SCEL: variants seen among roughly 807,000 people sequenced by gnomAD.
SCEL encodes sciellin.
In SCEL, 113 loss-of-function variants were observed where a neutral mutation model predicts 117.6. That is an observed-to-expected ratio of 0.96 (90% CI 0.83 to 1.12). The LOEUF is 1.12. Among genes scored for constraint, SCEL ranks in the 50% most tolerant of loss-of-function variants. The pLI, the probability that SCEL is intolerant of heterozygous loss-of-function variation, is 0.00. For synonymous variants in SCEL, 270 were observed against 256.2 expected (o/e 1.05, Z -0.51); for missense variants, 785 against 810.8 (o/e 0.97, Z 0.39).
intron 1 of SCEL, among the ~76,000 whole-genome samples, chr13:77,552,319 A>G (rs2084381474): frequency 6.6e-6 from 1 of 151,396 alleles, no homozygotes; most frequent in Non-Finnish European, 1.5e-5. Flanking sequence ...CAACAGTGTA[A>G]AAGTGTTCCT....
chr13:77,625,167 C>T (rs1048652587), intron 27 of SCEL, among the ~76,000 whole-genome samples: 2 of 152,128 alleles, frequency 1.3e-5, no homozygotes, highest in African/African-American at 2.4e-5. Flanking sequence ...GTTTGACATT[C>T]CTAAGAAATT....
chr13:77,592,070 G>A (rs1021263010), intron 11 of SCEL, among the ~76,000 whole-genome samples: 1 of 152,046 alleles, frequency 6.6e-6, no homozygotes, highest in African/African-American at 2.4e-5. Context: ...TTTAAACAGT[G>A]CAATTTTATA....
chr13:77,593,323 T>A (rs1013483153), intron 11 of SCEL, among the ~76,000 whole-genome samples, 191 bp from the exon 12 acceptor site: 5 of 149,546 alleles, frequency 3.3e-5, no homozygotes, highest in African/African-American at 1.2e-4. Flanking sequence ...TGTGTGTCAG[T>A]GGGGGATGTG....
chr13:77,620,079 T>C (rs1429682488), intron 27 of SCEL, among the ~76,000 whole-genome samples: 3 of 152,184 alleles, frequency 2.0e-5, no homozygotes, highest in Non-Finnish European at 4.4e-5. Flanking sequence ...TTTAAAAATA[T>C]TGGCTATCGT....
intron 11 of SCEL, among the ~76,000 whole-genome samples, chr13:77,592,202 G>A (rs2086912593): frequency 6.6e-6 from 1 of 152,000 alleles, no homozygotes; most frequent in African/African-American, 2.4e-5. Context: ...TCAGAAGAGT[G>A]CCATTCTAAA....
Position 77,599,328 on chromosome 13 carries a change from G to T in SCEL, c.798-1G>T. The T allele has an allele frequency of 6.2e-7, 1 of 1,608,652 alleles. No individual in the cohort carries two copies. Among genetic ancestry groups the T allele is most frequent in the Non-Finnish European group, 8.5e-7 (1 of 1,176,390 alleles). ...GCTTTTTTAAATCAATACATTTAAA[G>T]GAATCAAGGTCTTGATAGTCTCTTC... On this transcript the variant is annotated splice_acceptor_variant, in intron 13 of 32. Coordinates refer to ENST00000349847, the MANE Select transcript of SCEL (RefSeq NM_144777.3). LOFTEE classifies it high-confidence loss of function.
chr13:77,579,739 C>T (rs991280353), intron 9 of SCEL, among the ~76,000 whole-genome samples: 1 of 152,070 alleles, frequency 6.6e-6, no homozygotes, highest in Non-Finnish European at 1.5e-5. Context: ...GACGTTGTAT[C>T]TGGAGTAGAG....
intron 1 of SCEL, among the ~76,000 whole-genome samples, chr13:77,547,932 A>G (rs772723895): frequency 1.8e-4 from 27 of 152,026 alleles, no homozygotes; most frequent in Non-Finnish European, 3.7e-4. Flanking sequence ...CAGTAAACCC[A>G]CTTTCTTTCC....
In SCEL at chr13:77,593,548, A is replaced by G. The variant is rs2087043056; in HGVS notation, c.727A>G (p.Thr243Ala). ...TCTTGATAACATCGTCAAAGTGGCC[A>G]CTTCACTTCAGAGAAGTGACAAAGG... is the stretch of plus-strand genomic sequence containing the variant. ...QDLDNIVKVA[T>A]SLQRSDKGEE... The change falls in exon 12 of 33, where the codon ACT (threonine) becomes GCT (alanine). Residue 243 changes from threonine to alanine, a missense_variant. Coordinates refer to ENST00000349847, the MANE Select transcript of SCEL (RefSeq NM_144777.3). 2 of 1,613,220 alleles carry G rather than the reference A, an allele frequency of 1.2e-6. No homozygotes were observed. The highest frequency in any genetic ancestry group is 1.7e-6 in the Non-Finnish European group (2 of 1,179,418).
intron 17 of SCEL, 91 bp downstream of exon 17, chr13:77,602,804 T>C: frequency 8.8e-7 from 1 of 1,136,828 alleles, no homozygotes; most frequent in Non-Finnish European, 1.3e-6. Context: ...GTTTGGCTTC[T>C]CTCTTCTGTG....
intron 8 of SCEL, among the ~76,000 whole-genome samples, chr13:77,570,803 A>C (rs1299763956): frequency 2.0e-5 from 3 of 152,114 alleles, no homozygotes; most frequent in African/African-American, 4.8e-5. Flanking sequence ...ATATTCACTT[A>C]CGCTTTCAAT....
At chr13:77,619,690 A>G (rs928963915) in intron 27 of SCEL, among the ~76,000 whole-genome samples, 1 of 152,218 alleles carries the variant, frequency 6.6e-6, no homozygotes, top group East Asian at 1.9e-4. Context: ...GTACGGAAAT[A>G]TCTTTGTTAA....
In SCEL at chr13:77,597,674, C is replaced by T. The variant is rs930858651; in HGVS notation, c.797+85C>T. The T allele has an allele frequency of 7.6e-6, 5 of 658,812 alleles. No individual in the cohort carries two copies. The African/African-American group carries it at 9.6e-5, about 13-fold the overall frequency. 40.8% of individuals were successfully genotyped at this position (658,812 alleles called of 1,614,324 possible). A position where few individuals can be genotyped will look rare whatever the true frequency, so the allele number is the denominator to read the frequency against. Reference sequence around the variant, plus strand: ...TTTCCAGTCTTTGAGCGTGAGGACCCACATACCAGGGTAGTCAAAAATATC... The same window carrying T: ...TTTCCAGTCTTTGAGCGTGAGGACCTACATACCAGGGTAGTCAAAAATATC... On this transcript the variant is annotated intron_variant, in intron 13 of 32. Transcript: ENST00000349847.
chr13:77,578,322 C>T lies in SCEL; in HGVS notation c.545+6133C>T, dbSNP rs142336492. ...CCAAAGGCAACTGCAAAGAGACCAC[C>T]ACCAAGAAAGGGAGGAGGGGGAAGG... On this transcript the variant is annotated intron_variant, in intron 9 of 32. Coordinates refer to ENST00000349847, the MANE Select transcript of SCEL (RefSeq NM_144777.3). 4.9e-4 allele frequency among the ~76,000 whole-genome samples: 75 copies of T among 151,986 alleles called. 1 individual carries two copies. Among genetic ancestry groups the T allele is most frequent in the African/African-American group, 1.5e-3 (61 of 41,446 alleles).
In SCEL at chr13:77,535,769, C is replaced by T. The variant is rs1567321539; in HGVS notation, c.-75C>T. 1.3e-5 allele frequency: 2 copies of T among 152,172 alleles called. No homozygotes were observed. Among genetic ancestry groups the T allele is most frequent in the African/African-American group, 4.8e-5 (2 of 41,432 alleles). 9.4% of individuals were successfully genotyped at this position (152,172 alleles called of 1,614,324 possible). ...CCCATTTCTTTCAGCCAGATCCTCC[C>T]AGGGAATCACTACAGGCTGGTTAGC... On this transcript the variant is annotated 5_prime_UTR_variant, in exon 1 of 33. Coordinates refer to ENST00000349847, the MANE Select transcript of SCEL (RefSeq NM_144777.3).
At position 77,604,525 on chromosome 13, in the gene SCEL, T is replaced by C. The variant is rs1360356527; in HGVS notation, c.1157+110T>C. On this transcript the variant is annotated intron_variant, in intron 19 of 32. Coordinates refer to ENST00000349847, the MANE Select transcript of SCEL (RefSeq NM_144777.3). Reference sequence around the variant, plus strand: ...AATTGGAATTCAGGCCAAAACAAACTGAGCTCTTTTTTCTCTAAACACTTC... The same window carrying C: ...AATTGGAATTCAGGCCAAAACAAACCGAGCTCTTTTTTCTCTAAACACTTC... 8 of 792,638 alleles carry C rather than the reference T, an allele frequency of 1.0e-5. No homozygotes were observed. In the East Asian group the frequency reaches 2.4e-4, roughly 24 times the overall value. 49.1% of individuals were successfully genotyped at this position (792,638 alleles called of 1,614,324 possible). A position where few individuals can be genotyped will look rare whatever the true frequency, so the allele number is the denominator to read the frequency against.
intron 22 of SCEL, among the ~76,000 whole-genome samples, chr13:77,612,456 C>CTTTTTTTTT (rs71102764): frequency 1.0e-3 from 97 of 93,590 alleles, no homozygotes; most frequent in Non-Finnish European, 1.4e-3. Flanking sequence ...TTTTTCTTTT[C>CTTTTTTTTT]TTTTTTTTTT....
chr13:77,582,522 A>G (rs1594017747), intron 9 of SCEL, among the ~76,000 whole-genome samples: 1 of 152,298 alleles, frequency 6.6e-6, no homozygotes, highest in South Asian at 2.1e-4. Flanking sequence ...ACCATCCTGT[A>G]GGCCCAAGTA....
chr13:77,590,396 G>A (rs1396963607), intron 10 of SCEL, among the ~76,000 whole-genome samples: 2 of 151,940 alleles, frequency 1.3e-5, no homozygotes, highest in African/African-American at 2.4e-5. Flanking sequence ...TTTGTATGAT[G>A]GTTATAATGA....
Sources: gnomAD v4.1 joint callset for allele counts (sites outside exome capture counted in the v4.1 genomes callset) on GRCh38, gnomAD v4.1.1 for gene constraint, MANE v1.5 for transcripts, NCBI Gene and HGNC (gene_info 2026-07-23, HGNC 2026-07-21) for gene names.